GUCY1A1: variants seen among roughly 807,000 people sequenced by gnomAD.
The protein encoded by GUCY1A1 is guanylate cyclase soluble subunit alpha-1.
In GUCY1A1, 48 loss-of-function variants were observed where a neutral mutation model predicts 64.5. The ratio of observed to expected loss-of-function variants is 0.74; its 90% CI spans 0.59 to 0.95. The LOEUF (loss-of-function observed/expected upper bound fraction) is 0.95, where lower values mean the gene tolerates loss of function less well. Ranked by LOEUF, GUCY1A1 falls within the 40% of genes least tolerant of loss-of-function variation. The pLI is 0.00. For missense variants in GUCY1A1, 804 were observed against 825.3 expected (o/e 0.97, Z 0.32); for synonymous variants, 308 against 303.4 (o/e 1.02, Z -0.16).
chr4:155,699,864 C>A (rs1730859820), intron 3 of GUCY1A1, among the ~76,000 whole-genome samples: 1 of 151,994 alleles, frequency 6.6e-6, no homozygotes, highest in South Asian at 2.1e-4. Flanking sequence ...AGTGAACAGG[C>A]AAGTATAAAA....
At chr4:155,669,910 C>T (rs930576957) in intron 2 of GUCY1A1, among the ~76,000 whole-genome samples, 7 of 152,112 alleles carry the variant, frequency 4.6e-5, no homozygotes, top group African/African-American at 7.2e-5. Context: ...TAAAATAACA[C>T]GATCTGCACC....
Position 155,722,038 on chromosome 4 carries a change from A to G in GUCY1A1, c.1717A>G (p.Met573Val), listed in dbSNP as rs777185197. 6.8e-6 allele frequency: 11 copies of G among 1,606,778 alleles called. No individual in the cohort carries two copies. Among genetic ancestry groups the G allele is most frequent in the Non-Finnish European group, 9.4e-6 (11 of 1,174,744 alleles). Reference sequence around the variant, plus strand: ...ACATCATGTTATTTTTTGCTTTCAGATGCGAATTGGACTGCACTCTGGATC... The same window carrying G: ...ACATCATGTTATTTTTTGCTTTCAGGTGCGAATTGGACTGCACTCTGGATC... The part of the protein sequence containing the change: ...VMSPHGEPIK[M>V]RIGLHSGSVF... The change falls in exon 9 of 10, where the codon ATG becomes GTG. Residue 573 changes from methionine (M) to valine (V), a missense_variant and splice_region_variant. By Grantham distance (21) the Met-to-Val change is conservative. Transcript: ENST00000506455.
intron 2 of GUCY1A1, among the ~76,000 whole-genome samples, chr4:155,674,334 A>G (rs957814048): frequency 1.4e-5 from 2 of 141,366 alleles, no homozygotes; most frequent in South Asian, 4.8e-4. Context: ...AGCCTGGGCG[A>G]CAGAGCGAGA....
At chr4:155,722,000 C>A in intron 8 of GUCY1A1, 38 bp from the exon 9 acceptor site, 1 of 1,376,694 alleles carries the variant, frequency 7.3e-7, no homozygotes, top group Non-Finnish European at 1.0e-6. Context: ...AAGTGTTTTA[C>A]CAGTGACTGG....
At chr4:155,706,924 A>AT (rs1211343664) in intron 4 of GUCY1A1, among the ~76,000 whole-genome samples, 1 of 152,254 alleles carries the variant, frequency 6.6e-6, no homozygotes, top group Non-Finnish European at 1.5e-5. Context: ...TCAATAAAAA[A>AT]GCATGCTATT....
At chr4:155,682,443 G>A (rs1451674073) in intron 2 of GUCY1A1, among the ~76,000 whole-genome samples, 2 of 152,278 alleles carry the variant, frequency 1.3e-5, no homozygotes, top group East Asian at 3.9e-4. Flanking sequence ...TTGGGAGGCT[G>A]AGCGGGGCGG....
At chr4:155,679,305 A>T (rs769526851) in intron 2 of GUCY1A1, among the ~76,000 whole-genome samples, 1 of 151,968 alleles carries the variant, frequency 6.6e-6, no homozygotes, top group African/African-American at 2.4e-5. Context: ...GATTTGTCGT[A>T]GTCTGTTTAT....
At chr4:155,671,037 A>G (rs1734082019) in intron 2 of GUCY1A1, among the ~76,000 whole-genome samples, 1 of 152,070 alleles carries the variant, frequency 6.6e-6, no homozygotes, top group Admixed American at 6.5e-5. Flanking sequence ...TTAAACTCAA[A>G]TCTCCTTCAC....
chr4:155,671,141 T>C (rs1353710123), intron 2 of GUCY1A1, among the ~76,000 whole-genome samples: 1 of 152,180 alleles, frequency 6.6e-6, no homozygotes, highest in East Asian at 1.9e-4. Flanking sequence ...TAAGGCTTGT[T>C]TATGCTTTGA....
At chr4:155,681,134 C>A (rs1355890490) in intron 2 of GUCY1A1, among the ~76,000 whole-genome samples, 1 of 152,058 alleles carries the variant, frequency 6.6e-6, no homozygotes, top group Non-Finnish European at 1.5e-5. Flanking sequence ...CTTTCATCAT[C>A]AAGTATGACT....
Position 155,697,091 on chromosome 4 carries a change from CAG to C in GUCY1A1, c.229_230del (p.Ser77TyrfsTer10), listed in dbSNP as rs1176289365. 3.1e-6 allele frequency: 5 copies of C among 1,613,084 alleles called. No individual in the cohort carries two copies. The African/African-American group carries it at 4.0e-5, about 13-fold the overall frequency. On this transcript the variant is annotated frameshift_variant, in exon 3 of 10. Transcript: ENST00000506455. LOFTEE classifies it high-confidence loss of function. Reference sequence around the variant, plus strand: ...AGCCGAGTCTATCTTCACACTTTGGCAGAGAGTATTTGCAAACTGATTTTCCC... The same window carrying C: ...AGCCGAGTCTATCTTCACACTTTGGCAGAGTATTTGCAAACTGATTTTCCC...
intron 2 of GUCY1A1, among the ~76,000 whole-genome samples, chr4:155,680,480 G>GTGTGTC (rs1189853239): frequency 6.6e-6 from 1 of 151,742 alleles, no homozygotes; most frequent in Non-Finnish European, 1.5e-5. Flanking sequence ...GTGTGTGTGT[G>GTGTGTC]TGTGCACATG....
chr4:155,673,015 C>A (rs956809822), intron 2 of GUCY1A1, among the ~76,000 whole-genome samples: 5 of 152,146 alleles, frequency 3.3e-5, no homozygotes, highest in African/African-American at 1.2e-4. Context: ...AAAACAAGAG[C>A]AGAGTAGTTC....
chr4:155,705,137 C>T (rs927272928), intron 4 of GUCY1A1, among the ~76,000 whole-genome samples: 7 of 152,372 alleles, frequency 4.6e-5, no homozygotes, highest in Admixed American at 3.3e-4. Context: ...AGCATTCACC[C>T]GCGTTGGCCT....
chr4:155,729,850 T>C (rs1419178869), intron 9 of GUCY1A1, among the ~76,000 whole-genome samples, 180 bp from the exon 10 acceptor site: 1 of 151,904 alleles, frequency 6.6e-6, no homozygotes, highest in Non-Finnish European at 1.5e-5. Context: ...TTTCTTGTTG[T>C]GAATTGATTC....
In GUCY1A1 at chr4:155,710,911, A is replaced by G. The variant is rs1301122816; in HGVS notation, c.746A>G (p.Asn249Ser). Residue 249 changes from asparagine (N) to serine (S), a missense_variant, in exon 6 of 10, where the codon AAT becomes AGT. Physicochemically the swap from Asn to Ser is conservative, Grantham distance 46. Coordinates refer to ENST00000506455, the MANE Select transcript of GUCY1A1 (RefSeq NM_001130682.3). Reference protein sequence around the residue: ...CFHNDCSEFVNQPYLLYSVHM... With the variant: ...CFHNDCSEFVSQPYLLYSVHM... ...CATAATGATTGCAGCGAGTTTGTGAATCAGCCCTACTTGTTGTACTCCGTT... is the reference window on the plus strand; with the variant it reads ...CATAATGATTGCAGCGAGTTTGTGAGTCAGCCCTACTTGTTGTACTCCGTT... The G allele has an allele frequency of 6.2e-7, 1 of 1,614,108 alleles. No homozygotes were observed.
At chr4:155,703,420 T>C (rs1413362092) in intron 3 of GUCY1A1, among the ~76,000 whole-genome samples, 1 of 152,138 alleles carries the variant, frequency 6.6e-6, no homozygotes, top group Non-Finnish European at 1.5e-5. Context: ...AAGAAGATGA[T>C]ATGAATGTAT....
intron 2 of GUCY1A1, among the ~76,000 whole-genome samples, chr4:155,683,658 A>G (rs1426311217): frequency 6.6e-6 from 1 of 152,232 alleles, no homozygotes; most frequent in Admixed American, 6.5e-5. Context: ...AGATGAGAAA[A>G]TTATGAAAAA....
chr4:155,702,410 C>A lies in GUCY1A1; in HGVS notation c.256-1522C>A, dbSNP rs551237879. On this transcript the variant is annotated intron_variant, in intron 3 of 9. Coordinates refer to ENST00000506455, the MANE Select transcript of GUCY1A1 (RefSeq NM_001130682.3). ...TATTTAAACATTTCAAGCACCCTGG[C>A]TGATTTACTTCATGTATAGTGTCAC... 6.2e-4 allele frequency among the ~76,000 whole-genome samples: 94 copies of A among 152,286 alleles called. 3 individuals carry two copies. Among genetic ancestry groups the A allele is most frequent in the Admixed American group, 5.4e-3 (83 of 15,286 alleles).
Sources: allele counts gnomAD v4.1 joint callset (sites outside exome capture counted in the v4.1 genomes callset), GRCh38; gene constraint gnomAD v4.1.1; transcripts MANE v1.5; gene names NCBI Gene and HGNC (gene_info 2026-07-23, HGNC 2026-07-21).